Variants in SEMA3E observed in about 807,000 individuals in gnomAD.
The protein encoded by SEMA3E is semaphorin 3E.
SEMA3E carries 49 observed loss-of-function variants against 93.6 expected under a neutral mutation model. The observed-to-expected ratio is 0.52, with a 90% confidence interval of 0.42 to 0.66. The LOEUF is 0.66. Ranked by LOEUF, SEMA3E falls within the 30% of genes least tolerant of loss-of-function variation. SEMA3E has a pLI of 0.00. For synonymous variants in SEMA3E, 363 were observed against 330.7 expected (o/e 1.10, Z -1.06); for missense variants, 906 against 964.8 (o/e 0.94, Z 0.81).
chr7:83,493,391 T>C (rs995008350), intron 1 of SEMA3E, among the ~76,000 whole-genome samples: 1 of 151,940 alleles, frequency 6.6e-6, no homozygotes, highest in Non-Finnish European at 1.5e-5. Context: ...CAGAGATTAC[T>C]TTTCCTGATT....
intron 4 of SEMA3E, among the ~76,000 whole-genome samples, chr7:83,440,826 TA>T (rs1789099575): frequency 7.0e-6 from 1 of 142,418 alleles, no homozygotes. Context: ...AAAAGACAGA[TA>T]AAAGTCTGTA....
intron 1 of SEMA3E, among the ~76,000 whole-genome samples, chr7:83,601,275 C>G (rs992681202): frequency 6.6e-6 from 1 of 152,218 alleles, no homozygotes; most frequent in Non-Finnish European, 1.5e-5. Context: ...GTTACTTGAT[C>G]ATTTCCTACC....
chr7:83,531,462 T>C (rs981093239), intron 1 of SEMA3E, among the ~76,000 whole-genome samples: 3 of 149,340 alleles, frequency 2.0e-5, no homozygotes, highest in African/African-American at 7.4e-5. Context: ...TTCTCCTGCC[T>C]CAGCCTCTGG....
At chr7:83,482,304 C>A (rs1375222637) in intron 2 of SEMA3E, among the ~76,000 whole-genome samples, 1 of 152,052 alleles carries the variant, frequency 6.6e-6, no homozygotes, top group African/African-American at 2.4e-5. Flanking sequence ...CAGTGGCCCA[C>A]GTCTGTAATC....
Position 83,367,788 on chromosome 7 carries a change from C to A in SEMA3E, c.2126G>T (p.Trp709Leu), listed in dbSNP as rs1794693835. 1 of 1,613,946 alleles carries A rather than the reference C, an allele frequency of 6.2e-7. No individual in the cohort carries two copies. The highest frequency in any genetic ancestry group is 1.1e-5 in the South Asian group (1 of 91,082). Residue 709 changes from tryptophan to leucine, a missense_variant, in exon 17 of 17, where the codon TGG becomes TTG. Trp to Leu is a moderately conservative substitution (Grantham distance 61). Transcript: ENST00000643230. ...GATCAGCTGCAAGAATTCCTTGTAC[C>A]ATGGTTTTGCTCCCTGCGAGATGCT... ...QSSISQGAKP[W>L]YKEFLQLIGY...
intron 1 of SEMA3E, among the ~76,000 whole-genome samples, chr7:83,617,995 A>G (rs1055351336): frequency 7.2e-5 from 11 of 152,142 alleles, no homozygotes; most frequent in African/African-American, 2.7e-4. Flanking sequence ...AAGGAAGATA[A>G]CAAATAAGAC....
intron 1 of SEMA3E, among the ~76,000 whole-genome samples, chr7:83,531,316 A>C (rs1404421092): frequency 1.6e-5 from 2 of 127,850 alleles, no homozygotes; most frequent in Admixed American, 8.1e-5. Flanking sequence ...ATTTGTGTGC[A>C]TGTGTGCTTC....
intron 4 of SEMA3E, among the ~76,000 whole-genome samples, chr7:83,433,446 T>C (rs1203584916): frequency 6.6e-6 from 1 of 152,134 alleles, no homozygotes; most frequent in Non-Finnish European, 1.5e-5. Flanking sequence ...GAAATTCTTA[T>C]CTTTATTTAT....
chr7:83,608,196 G>C (rs1418063755), intron 1 of SEMA3E, among the ~76,000 whole-genome samples: 1 of 151,902 alleles, frequency 6.6e-6, no homozygotes, highest in Non-Finnish European at 1.5e-5. Context: ...CTGGGTGACA[G>C]GGCAAGACTC....
chr7:83,570,279 C>G (rs571584297), intron 1 of SEMA3E, among the ~76,000 whole-genome samples: 1 of 151,988 alleles, frequency 6.6e-6, no homozygotes, highest in East Asian at 1.9e-4. Context: ...AGAGGCCGGG[C>G]GCGGTGGCTC....
At chr7:83,476,661 C>T (rs952927821) in intron 2 of SEMA3E, among the ~76,000 whole-genome samples, 6 of 152,144 alleles carry the variant, frequency 3.9e-5, no homozygotes, top group African/African-American at 9.7e-5. Flanking sequence ...AAAGCCATCA[C>T]GTAAAAATGT....
intron 4 of SEMA3E, among the ~76,000 whole-genome samples, chr7:83,444,911 T>C (rs1189695473): frequency 6.6e-6 from 1 of 152,120 alleles, no homozygotes; most frequent in East Asian, 1.9e-4. Context: ...CCTCAGGTGA[T>C]GCGCCCGTTT....
chr7:83,429,651 C>G (rs1019013050), intron 4 of SEMA3E, among the ~76,000 whole-genome samples: 1 of 152,150 alleles, frequency 6.6e-6, no homozygotes, highest in African/African-American at 2.4e-5. Flanking sequence ...CAAGAATGGG[C>G]AGCTCAGGCC....
At chr7:83,535,065 C>T (rs1775516328) in intron 1 of SEMA3E, among the ~76,000 whole-genome samples, 1 of 152,172 alleles carries the variant, frequency 6.6e-6, no homozygotes, top group African/African-American at 2.4e-5. Flanking sequence ...TGTGCATTTC[C>T]AGGCTCCAAT....
chr7:83,472,466 G>A (rs2722991), intron 2 of SEMA3E, among the ~76,000 whole-genome samples: 66,684 of 151,942 alleles, frequency 0.44, 16,137 homozygotes, highest in East Asian at 0.66. Context: ...TGTTTTTGTG[G>A]CTCAAGAGCT....
chr7:83,627,412 G>A (rs1023591819), intron 1 of SEMA3E, among the ~76,000 whole-genome samples: 9 of 152,004 alleles, frequency 5.9e-5, no homozygotes, highest in African/African-American at 2.2e-4. Context: ...ATATATTTAG[G>A]ATAGTTAGTG....
At chr7:83,404,354 G>A (rs866720156) in intron 9 of SEMA3E, among the ~76,000 whole-genome samples, 1 of 151,878 alleles carries the variant, frequency 6.6e-6, no homozygotes, top group African/African-American at 2.4e-5. Flanking sequence ...AACTAAAGCT[G>A]TGTGGAAAGA....
intron 2 of SEMA3E, among the ~76,000 whole-genome samples, chr7:83,474,095 T>TAAA (rs11324407): frequency 1.8e-5 from 2 of 108,592 alleles, no homozygotes; most frequent in African/African-American, 3.4e-5. Context: ...CTATCTCAAT[T>TAAA]AAAAAAAAAA....
chr7:83,605,032 TG>T, intron 1 of SEMA3E, among the ~76,000 whole-genome samples: 1 of 152,334 alleles, frequency 6.6e-6, no homozygotes, highest in South Asian at 2.1e-4. Context: ...AGTCTATCAT[TG>T]TTTGGCATTT....
Sources: allele counts gnomAD v4.1 joint callset (sites outside exome capture counted in the v4.1 genomes callset), GRCh38; gene constraint gnomAD v4.1.1; transcripts MANE v1.5; gene names NCBI Gene and HGNC (gene_info 2026-07-23, HGNC 2026-07-21).